The following RAI14 variants were observed in gnomAD, a reference collection of about 807,000 sequenced individuals.
The protein encoded by RAI14 is ankycorbin.
Under a neutral mutation model 115.4 loss-of-function variants are expected in RAI14, and 45 were observed. The ratio of observed to expected loss-of-function variants is 0.39; its 90% confidence interval spans 0.31 to 0.50. The LOEUF (loss-of-function observed/expected upper bound fraction) is 0.50. Ranked by LOEUF, RAI14 falls within the 20% of genes least tolerant of loss-of-function variation. The pLI, the probability that RAI14 is intolerant of heterozygous loss-of-function variation, is 0.85. For missense variants in RAI14, 939 were observed against 1,131.2 expected (o/e 0.83, Z 2.44); for synonymous variants, 371 against 415.4 (o/e 0.89, Z 1.30).
rs143997126 is a variant in RAI14 at position 34,711,199 on chromosome 5, G to C, written c.36+24244G>C. ...CAACATGGCTATTTATTTCACCTGG[G>C]TGCAGGCGGGTTGAGTCCGAAAAGA... On this transcript the variant is annotated intron_variant, in intron 2 of 17. Transcript: ENST00000265109. 3.3e-3 allele frequency among the ~76,000 whole-genome samples: 509 copies of C among 152,324 alleles called. 1 individual carries two copies. The highest frequency in any genetic ancestry group is 0.012 in the African/African-American group (490 of 41,558).
chr5:34,722,875 G>A (rs1483006815), intron 2 of RAI14, among the ~76,000 whole-genome samples: 1 of 151,932 alleles, frequency 6.6e-6, no homozygotes, highest in East Asian at 1.9e-4. Context: ...TTTGAGACCA[G>A]CCTGACCAAC....
chr5:34,734,743 G>A (rs1325688945), intron 2 of RAI14, among the ~76,000 whole-genome samples: 1 of 151,766 alleles, frequency 6.6e-6, no homozygotes, highest in Non-Finnish European at 1.5e-5. Context: ...CTCACTGCAA[G>A]CTCCGCCTCC....
intron 3 of RAI14, among the ~76,000 whole-genome samples, chr5:34,771,770 T>A (rs566455856): frequency 1.3e-5 from 2 of 152,336 alleles, no homozygotes; most frequent in East Asian, 3.9e-4. Flanking sequence ...TTGAGAGCCC[T>A]GGCAACCCTA....
intron 2 of RAI14, among the ~76,000 whole-genome samples, chr5:34,705,054 A>G (rs543963485): frequency 3.9e-5 from 6 of 152,232 alleles, no homozygotes; most frequent in Admixed American, 3.9e-4. Flanking sequence ...TCACCTCCTG[A>G]GTAGCTTCGG....
chr5:34,667,576 A>G (rs1328802158), intron 1 of RAI14, among the ~76,000 whole-genome samples: 1 of 152,160 alleles, frequency 6.6e-6, no homozygotes, highest in East Asian at 1.9e-4. Flanking sequence ...TGCATTGGAA[A>G]AAAACTATTT....
At chr5:34,814,240 A>G (rs1755923749) in intron 11 of RAI14, among the ~76,000 whole-genome samples, 2 of 152,252 alleles carry the variant, frequency 1.3e-5, no homozygotes, top group Admixed American at 6.5e-5. Flanking sequence ...CATAAAGAGA[A>G]TAATCCATAT....
intron 2 of RAI14, among the ~76,000 whole-genome samples, chr5:34,741,149 C>T (rs561644978): frequency 2.4e-4 from 36 of 152,182 alleles, no homozygotes; most frequent in Non-Finnish European, 4.4e-4. Context: ...TTTAATGGAA[C>T]AATTCATTCA....
At chr5:34,689,261 C>T (rs1043932284) in intron 2 of RAI14, among the ~76,000 whole-genome samples, 12 of 152,002 alleles carry the variant, frequency 7.9e-5, no homozygotes, top group Non-Finnish European at 1.3e-4. Context: ...AAAAATTAGC[C>T]GCCTATGGTG....
chr5:34,674,671 G>A (rs980111789), intron 1 of RAI14, among the ~76,000 whole-genome samples: 1 of 146,902 alleles, frequency 6.8e-6, no homozygotes, highest in African/African-American at 2.6e-5. Context: ...TGCGACCTCC[G>A]CCTCCCAGAT....
At chr5:34,762,179 T>G (rs1748739717) in intron 3 of RAI14, among the ~76,000 whole-genome samples, 1 of 152,200 alleles carries the variant, frequency 6.6e-6, no homozygotes, top group African/African-American at 2.4e-5. Flanking sequence ...GATAATATCT[T>G]ATGGGTAAAT....
intron 1 of RAI14, among the ~76,000 whole-genome samples, chr5:34,681,513 G>A (rs971964005): frequency 1.3e-5 from 2 of 151,708 alleles, no homozygotes; most frequent in Admixed American, 1.3e-4. Context: ...TATTTTTTTC[G>A]AGATAGAGTC....
At chr5:34,821,313 T>C (rs1756803761) in intron 13 of RAI14, among the ~76,000 whole-genome samples, 1 of 152,058 alleles carries the variant, frequency 6.6e-6, no homozygotes, top group Admixed American at 6.6e-5. Flanking sequence ...AGTTTCCAAG[T>C]AAGGTGATAA....
intron 2 of RAI14, among the ~76,000 whole-genome samples, chr5:34,752,489 A>G (rs1206493557): frequency 1.3e-5 from 2 of 151,920 alleles, no homozygotes; most frequent in African/African-American, 4.8e-5. Context: ...GCTTCGGTTG[A>G]GATGAGCGAG....
chr5:34,798,260 A>G (rs1008382719), intron 4 of RAI14, among the ~76,000 whole-genome samples: 3 of 151,484 alleles, frequency 2.0e-5, no homozygotes, highest in Admixed American at 2.0e-4. Context: ...GCTGGTCTTG[A>G]ACTCCTGACC....
At chr5:34,761,131 C>A (rs162913) in intron 3 of RAI14, among the ~76,000 whole-genome samples, 84,701 of 152,104 alleles carry the variant, frequency 0.56, 25,603 homozygotes, top group African/African-American at 0.81. Flanking sequence ...CACCACCTCC[C>A]TTTTGCAGAT....
chr5:34,683,253 T>C (rs1279872753), intron 1 of RAI14, among the ~76,000 whole-genome samples: 1 of 152,144 alleles, frequency 6.6e-6, no homozygotes, highest in East Asian at 1.9e-4. Flanking sequence ...CTTTGACACT[T>C]ATCTTTATCA....
At chr5:34,752,239 C>T (rs748428821) in intron 2 of RAI14, among the ~76,000 whole-genome samples, 1 of 152,062 alleles carries the variant, frequency 6.6e-6, no homozygotes, top group East Asian at 1.9e-4. Context: ...ACCTGAAACA[C>T]GATTTAATAG....
intron 2 of RAI14, among the ~76,000 whole-genome samples, chr5:34,744,930 C>T (rs527933774): frequency 1.3e-5 from 2 of 152,288 alleles, no homozygotes; most frequent in Admixed American, 6.5e-5. Context: ...CTTTGGTGTT[C>T]CTTGGTTAAT....
intron 2 of RAI14, among the ~76,000 whole-genome samples, chr5:34,733,471 A>G (rs959309357): frequency 2.0e-5 from 3 of 152,212 alleles, no homozygotes; most frequent in South Asian, 2.1e-4. Context: ...GCTGATTTCA[A>G]CCATGCCAGG....
Sources: allele counts gnomAD v4.1 joint callset (sites outside exome capture counted in the v4.1 genomes callset), GRCh38; gene constraint gnomAD v4.1.1; transcripts MANE v1.5; gene names NCBI Gene and HGNC (gene_info 2026-07-23, HGNC 2026-07-21).